The following TTC1 variants were observed in gnomAD, a reference collection of about 807,000 sequenced individuals.
The protein encoded by TTC1 is tetratricopeptide repeat protein 1.
In TTC1, 31 loss-of-function variants were observed where a neutral mutation model predicts 37.6. That is an observed-to-expected ratio of 0.82 (90% confidence interval 0.62 to 1.11). The LOEUF is 1.11. Among genes scored for constraint, TTC1 ranks in the 50% most tolerant of loss-of-function variants. The pLI is 0.00. For missense variants in TTC1, 351 were observed against 339.0 expected (o/e 1.04, Z -0.28); for synonymous variants, 127 against 122.4 (o/e 1.04, Z -0.25).
At chr5:160,041,925 C>A (rs1264366653) in intron 4 of TTC1, among the ~76,000 whole-genome samples, 1 of 152,054 alleles carries the variant, frequency 6.6e-6, no homozygotes, top group Admixed American at 6.6e-5. Flanking sequence ...CTCCACACTC[C>A]TGAAACTTTT....
intron 3 of TTC1, among the ~76,000 whole-genome samples, chr5:160,035,413 C>T (rs190126630): frequency 5.2e-4 from 79 of 152,368 alleles, no homozygotes; most frequent in Admixed American, 2.2e-3. Flanking sequence ...TTGGCACATG[C>T]ATAGTCTTTC....
intron 3 of TTC1, 179 bp from the exon 4 acceptor site, chr5:160,036,512 T>A (rs1757001589): frequency 1.9e-6 from 1 of 534,984 alleles, no homozygotes; most frequent in Non-Finnish European, 3.4e-6. Context: ...CACTGTTCCT[T>A]TAAAGAGAGA....
intron 5 of TTC1, among the ~76,000 whole-genome samples, chr5:160,046,261 C>T (rs982694411): frequency 6.6e-6 from 1 of 152,172 alleles, no homozygotes; most frequent in Admixed American, 6.5e-5. Context: ...TCATCTTGCT[C>T]AATTTAGTCG....
At chr5:160,048,935 AG>A (rs1243310746) in intron 5 of TTC1, among the ~76,000 whole-genome samples, 9 of 134,758 alleles carry the variant, frequency 6.7e-5, no homozygotes, top group Non-Finnish European at 7.9e-5. Flanking sequence ...TGGGTGACAG[AG>A]CGAGACTCCG....
chr5:160,018,763 G>A (rs1756650033), intron 2 of TTC1, among the ~76,000 whole-genome samples: 2 of 152,176 alleles, frequency 1.3e-5, no homozygotes, highest in South Asian at 2.1e-4. Context: ...GGGGTATGAG[G>A]ATGGAGGAGG....
At chr5:160,012,263 G>C (rs1561623584) in intron 2 of TTC1, among the ~76,000 whole-genome samples, 2 of 151,996 alleles carry the variant, frequency 1.3e-5, no homozygotes, top group East Asian at 1.9e-4. Flanking sequence ...GAATGGTTTG[G>C]CTCAAGGTGT....
At chr5:160,029,471 C>CG (rs1406980445) in intron 2 of TTC1, among the ~76,000 whole-genome samples, 1 of 138,996 alleles carries the variant, frequency 7.2e-6, no homozygotes, top group East Asian at 2.1e-4. Flanking sequence ...GTGAGACCCC[C>CG]CCATCTCTAC....
chr5:160,050,718 C>G lies in TTC1; in HGVS notation c.691-411C>G, dbSNP rs182094601. Among the ~76,000 whole-genome samples, 297 of 151,246 alleles carry G rather than the reference C, an allele frequency of 2.0e-3. 1 individual carries two copies. Among genetic ancestry groups the G allele is most frequent in the African/African-American group, 6.7e-3 (278 of 41,186 alleles). On this transcript the variant is annotated intron_variant, in intron 6 of 7. Coordinates refer to ENST00000231238, the MANE Select transcript of TTC1 (RefSeq NM_003314.3). ...ATGGCATACTGCACCCTCAACCTCCCAGATTCAAGCAACCCTCCCACCTCA... is the reference window on the plus strand; with the variant it reads ...ATGGCATACTGCACCCTCAACCTCCGAGATTCAAGCAACCCTCCCACCTCA...
At chr5:160,052,248 A>G (rs1375611619) in intron 7 of TTC1, among the ~76,000 whole-genome samples, 1 of 152,184 alleles carries the variant, frequency 6.6e-6, no homozygotes, top group Non-Finnish European at 1.5e-5. Context: ...TGGCTCCTGT[A>G]ATCCCAGCAC....
intron 7 of TTC1, among the ~76,000 whole-genome samples, chr5:160,052,257 A>G (rs1436049645): frequency 6.6e-6 from 1 of 152,130 alleles, no homozygotes; most frequent in Non-Finnish European, 1.5e-5. Context: ...TAATCCCAGC[A>G]CTTTAGGAGG....
At chr5:160,030,755 T>C (rs1756895128) in intron 2 of TTC1, among the ~76,000 whole-genome samples, 1 of 152,122 alleles carries the variant, frequency 6.6e-6, no homozygotes, top group African/African-American at 2.4e-5. Flanking sequence ...CTATAAAATT[T>C]CTTTGGTTTC....
At chr5:160,060,303 G>A (rs1449771529) in intron 7 of TTC1, among the ~76,000 whole-genome samples, 1 of 152,208 alleles carries the variant, frequency 6.6e-6, no homozygotes, top group Non-Finnish European at 1.5e-5. Flanking sequence ...GAGAAATTAT[G>A]TATAACAAAT....
At chr5:160,027,357 A>G (rs781526774) in intron 2 of TTC1, among the ~76,000 whole-genome samples, 14 of 152,204 alleles carry the variant, frequency 9.2e-5, no homozygotes, top group Non-Finnish European at 8.8e-5. Context: ...ACCTAATTTC[A>G]GTGAAATATA....
chr5:160,058,471 T>C (rs1341574075), intron 7 of TTC1, among the ~76,000 whole-genome samples: 2 of 148,522 alleles, frequency 1.3e-5, no homozygotes, highest in African/African-American at 5.0e-5. Context: ...AGTGCAGTGG[T>C]GCGATCTCGG....
intron 2 of TTC1, among the ~76,000 whole-genome samples, chr5:160,018,116 A>G (rs1376230889): frequency 6.6e-6 from 1 of 152,168 alleles, no homozygotes; most frequent in Non-Finnish European, 1.5e-5. Context: ...AAGTATACCA[A>G]TAAAAGACTT....
At chr5:160,040,264 A>G (rs116388410) in intron 4 of TTC1, among the ~76,000 whole-genome samples, 3,453 of 151,668 alleles carry the variant, frequency 0.023, 140 homozygotes, top group African/African-American at 0.079. Context: ...ACACATATGT[A>G]TACACACACA....
At chr5:160,009,438 A>G (rs1403641643) in intron 1 of TTC1, among the ~76,000 whole-genome samples, 3 of 152,146 alleles carry the variant, frequency 2.0e-5, no homozygotes, top group African/African-American at 7.2e-5. Flanking sequence ...TTGTCGTGAT[A>G]CAAGGGTCGT....
rs1202925400 is a variant in TTC1, at chr5:160,036,676, TTC to T, written c.392-11_392-10del. The T allele has an allele frequency of 6.4e-7, 1 of 1,558,418 alleles. No homozygotes were observed. Among genetic ancestry groups the T allele is most frequent in the Non-Finnish European group, 8.9e-7 (1 of 1,129,532 alleles). ...TAAAATCAAAATGACCATTCATCCTTTCTCTTATCCTCAGATTATATAGAAGC... is the reference window on the plus strand; with the variant it reads ...TAAAATCAAAATGACCATTCATCCTTTCTTATCCTCAGATTATATAGAAGC... On this transcript the variant is annotated splice_polypyrimidine_tract_variant and intron_variant, in intron 3 of 7. Transcript: ENST00000231238.
intron 6 of TTC1, 98 bp from the exon 7 acceptor site, chr5:160,051,031 C>T: frequency 1.1e-6 from 1 of 914,454 alleles, no homozygotes; most frequent in Non-Finnish European, 1.6e-6. Context: ...ATCTTATTTC[C>T]ACATTAGGAT....
Sources: gnomAD v4.1 joint callset for allele counts (sites outside exome capture counted in the v4.1 genomes callset) on GRCh38, gnomAD v4.1.1 for gene constraint, MANE v1.5 for transcripts, NCBI Gene and HGNC (gene_info 2026-07-23, HGNC 2026-07-21) for gene names.